The following DPH7 variants were observed in gnomAD, a reference collection of about 807,000 sequenced individuals.
The protein encoded by DPH7 is diphthamide biosynthesis 7.
DPH7 carries 44 observed loss-of-function variants against 41.7 expected under a neutral mutation model. That is an observed-to-expected ratio of 1.05 (90% CI 0.83 to 1.36). The LOEUF (loss-of-function observed/expected upper bound fraction) is 1.36, where lower values mean the gene tolerates loss of function less well. Ranked by LOEUF, DPH7 falls within the 40% of genes most tolerant of loss-of-function variation. The pLI, the probability that DPH7 is intolerant of heterozygous loss-of-function variation, is 0.00. For synonymous variants in DPH7, 275 were observed against 238.0 expected (o/e 1.16, Z -1.43); for missense variants, 629 against 577.5 (o/e 1.09, Z -0.91).
At position 137,555,311 on chromosome 9, in the gene DPH7, T is replaced by G. The variant is rs2132737517; in HGVS notation, c.1287A>C (p.Ser429=). ...AGCAGGTGGCCAGGAGGCTGAAGGCTGAGTCTGCTTCTTCTGGGTTCACGC... is the reference window on the plus strand; with the variant it reads ...AGCAGGTGGCCAGGAGGCTGAAGGCGGAGTCTGCTTCTTCTGGGTTCACGC... The part of the protein sequence containing the change: ...DCGVNPEEAD[S]AFSLLATCSF... The change falls in exon 9 of 9, where the codon TCA becomes TCC. Residue 429 remains serine, a synonymous_variant. Transcript: ENST00000277540. 6.2e-7 allele frequency: 1 copy of G among 1,613,286 alleles called. No individual in the cohort carries two copies.
chr9:137,574,093 GT>G (rs2133175229), intron 5 of DPH7, 114 bp downstream of exon 5: 2 of 1,138,566 alleles, frequency 1.8e-6, no homozygotes, highest in East Asian at 4.7e-5. Context: ...TCCATAAAAG[GT>G]CTTCAAGATC....
intron 5 of DPH7, among the ~76,000 whole-genome samples, chr9:137,571,430 C>T (rs1564450697): frequency 6.6e-6 from 1 of 152,106 alleles, no homozygotes; most frequent in Non-Finnish European, 1.5e-5. Flanking sequence ...CATGATCCGC[C>T]CATCTTGGCC....
chr9:137,572,197 T>C (rs1366976936), intron 5 of DPH7, among the ~76,000 whole-genome samples: 1 of 152,144 alleles, frequency 6.6e-6, no homozygotes, highest in African/African-American at 2.4e-5. Context: ...GATTTTAAGC[T>C]GGGCATGTCA....
intron 5 of DPH7, among the ~76,000 whole-genome samples, chr9:137,569,052 T>G (rs1045933637): frequency 7.9e-5 from 12 of 152,026 alleles, no homozygotes; most frequent in African/African-American, 2.9e-4. Context: ...GAGGAGTTGG[T>G]GCACTGAACC....
chr9:137,568,629 T>G (rs1434896179), intron 5 of DPH7, among the ~76,000 whole-genome samples: 1 of 152,102 alleles, frequency 6.6e-6, no homozygotes, highest in Admixed American at 6.5e-5. Flanking sequence ...GGAGGAGTCT[T>G]AGGTTGCCAC....
chr9:137,555,587 T>C lies in DPH7; in HGVS notation c.1011A>G (p.Gly337=), dbSNP rs1837358458. ...GGAAGAGCAGCCAGGACCAGTCGGC[T>C]CCATACACCAGCGAGTCGGGCAATG... ...SHTLPDSLVY[G]ADWSWLLFRS... Residue 337 remains glycine, a synonymous_variant, in exon 9 of 9, where the codon GGA becomes GGG. Transcript: ENST00000277540. 5 of 1,613,178 alleles carry C rather than the reference T, an allele frequency of 3.1e-6. No individual in the cohort carries two copies. The highest frequency in any genetic ancestry group is 3.4e-6 in the Non-Finnish European group (4 of 1,179,664).
intron 1 of DPH7, 92 bp from the exon 2 acceptor site, chr9:137,577,695 C>T (rs1554809657): frequency 6.6e-7 from 1 of 1,507,476 alleles, no homozygotes; most frequent in Non-Finnish European, 9.0e-7. Context: ...CAAAGGTTTG[C>T]CATGACTAAA....
At chr9:137,572,264 G>A (rs532392427) in intron 5 of DPH7, among the ~76,000 whole-genome samples, 5 of 152,292 alleles carry the variant, frequency 3.3e-5, no homozygotes, top group African/African-American at 9.6e-5. Context: ...TGAGACTGAG[G>A]GAATGTGGAC....
intron 3 of DPH7, 85 bp from the exon 4 acceptor site, chr9:137,574,928 T>TGA: frequency 1.3e-6 from 2 of 1,586,272 alleles, no homozygotes; most frequent in Non-Finnish European, 1.7e-6. Context: ...AGGGAAGTCA[T>TGA]CGTTCCCTCA....
intron 8 of DPH7, among the ~76,000 whole-genome samples, chr9:137,560,879 G>A (rs1391887910): frequency 5.9e-4 from 86 of 145,928 alleles, no homozygotes; most frequent in East Asian, 4.0e-3. Context: ...AAAATTTGCC[G>A]GGCGTGGTGG....
At chr9:137,555,707 C>T (rs1105221) in intron 8 of DPH7, 59 bp from the exon 9 acceptor site, 307,654 of 1,507,844 alleles carry the variant, frequency 0.2, 33,148 homozygotes, top group Admixed American at 0.4. Flanking sequence ...CTCTCCCCAA[C>T]CTGTCACACC....
intron 2 of DPH7, chr9:137,576,417 G>C: frequency 2.0e-6 from 1 of 507,370 alleles, no homozygotes; most frequent in East Asian, 3.1e-5. Context: ...ACATAGAAAA[G>C]ATACAGTAAG....
chr9:137,577,490 A>G lies in DPH7; in HGVS notation c.267T>C (p.Ser89=). 1 of 1,614,098 alleles carries G rather than the reference A, an allele frequency of 6.2e-7. No homozygotes were observed. The highest frequency in any genetic ancestry group is 8.5e-7 in the Non-Finnish European group (1 of 1,179,988). Residue 89 remains serine (S), a synonymous_variant, in exon 2 of 9, where the codon TCT becomes TCC. Transcript: ENST00000277540. ...TATACCATTTCATGTCCAGGATTGC[A>G]GAAGTATCTTTTCTTTGGACCTCGA... is the stretch of plus-strand genomic sequence containing the variant. ...PLVEVQRKDT[S]AILDMKWCHI...
chr9:137,555,161 CTGA>C lies in DPH7; in HGVS notation c.*75_*77del. 6.7e-7 allele frequency: 1 copy of C among 1,501,134 alleles called. No homozygotes were observed. Among genetic ancestry groups the C allele is most frequent in the Non-Finnish European group, 8.9e-7 (1 of 1,121,532 alleles). 93.0% of individuals were successfully genotyped at this position (1,501,134 alleles called of 1,614,324 possible). On this transcript the variant is annotated 3_prime_UTR_variant, in exon 9 of 9. Coordinates refer to ENST00000277540, the MANE Select transcript of DPH7 (RefSeq NM_138778.5). ...ACCTGCAGGGCTGCAGTAAGCATCT[CTGA>C]TGAGGTGGTCCCGGGCACTCACTCG...
intron 8 of DPH7, among the ~76,000 whole-genome samples, chr9:137,561,592 G>C (rs2132906416): frequency 7.0e-6 from 1 of 142,740 alleles, no homozygotes; most frequent in Middle Eastern, 3.7e-3. Flanking sequence ...ACTCGCCTCA[G>C]ACTCAGGTGT....
At chr9:137,576,016 C>A (rs1841317749) in intron 3 of DPH7, 64 bp downstream of exon 3, 2 of 1,605,406 alleles carry the variant, frequency 1.2e-6, no homozygotes. Context: ...ATCAGCACAG[C>A]CTCCTCCCCA....
In DPH7 at chr9:137,564,461, T is replaced by G. The variant is rs1305528553; in HGVS notation, c.922A>C (p.Lys308Gln). ...LLAACMHSGF[K>Q]ILNCQKAMEE... ...ATTGCCTTTTGGCAGTTGAGGATCT[T>G]AAAGCCACTGTGCATGCAGGCGGCC... The change falls in exon 8 of 9, where the codon AAG (lysine) becomes CAG (glutamine). Residue 308 changes from lysine (K) to glutamine (Q), a missense_variant. Physicochemically the swap from Lys to Gln is moderately conservative, Grantham distance 53. Coordinates refer to ENST00000277540, the MANE Select transcript of DPH7 (RefSeq NM_138778.5). The G allele has an allele frequency of 6.2e-7, 1 of 1,613,876 alleles. No homozygotes were observed. The highest frequency in any genetic ancestry group is 2.2e-5 in the East Asian group (1 of 44,864).
In DPH7 at chr9:137,578,846, C is replaced by CGGGGCGGCGAGGCCG. The variant is rs1195348403; in HGVS notation, c.-84_-70dup. The CGGGGCGGCGAGGCCG allele has an allele frequency of 5.3e-6, 7 of 1,327,226 alleles. No homozygotes were observed. The highest frequency in any genetic ancestry group is 4.1e-5 in the Admixed American group (1 of 24,248). 82.2% of individuals were successfully genotyped at this position (1,327,226 alleles called of 1,614,324 possible). A position where few individuals can be genotyped will look rare whatever the true frequency, so the allele number is the denominator to read the frequency against. The stretch of plus-strand genomic sequence containing the variant: ...CGGCGGGGCCGGGCTGGGTACTGCG[C>CGGGGCGGCGAGGCCG]GGGGCGGCGAGGCCGGGGCCGGCCG... On this transcript the variant is annotated 5_prime_UTR_variant, in exon 1 of 9. Transcript: ENST00000277540.
chr9:137,578,824 CG>C lies in DPH7; in HGVS notation c.-48del. ...GGAGCCGGCAGTAGAGGCGGGTCGG[CG>C]GGGCCGGGCTGGGTACTGCGCGGGG... On this transcript the variant is annotated 5_prime_UTR_variant, in exon 1 of 9. Coordinates refer to ENST00000277540, the MANE Select transcript of DPH7 (RefSeq NM_138778.5). 7.2e-7 allele frequency: 1 copy of C among 1,384,398 alleles called. No homozygotes were observed. The allele number at this position is 1,384,398 out of a possible 1,614,324, so 85.8% of individuals were successfully genotyped here. A position where few individuals can be genotyped will look rare whatever the true frequency, so the allele number is the denominator to read the frequency against.
Sources: gnomAD v4.1 joint callset for allele counts (sites outside exome capture counted in the v4.1 genomes callset) on GRCh38, gnomAD v4.1.1 for gene constraint, MANE v1.5 for transcripts, NCBI Gene and HGNC (gene_info 2026-07-23, HGNC 2026-07-21) for gene names.